Variants in CD101 observed in about 807,000 individuals in gnomAD.
The protein encoded by CD101 is immunoglobulin superfamily member 2.
In CD101, 76 loss-of-function variants were observed where a neutral mutation model predicts 98.2. The observed-to-expected ratio is 0.77, with a 90% CI of 0.64 to 0.94. CD101 has a LOEUF of 0.94. Ranked by LOEUF, CD101 falls within the 40% of genes least tolerant of loss-of-function variation. CD101 has a pLI of 0.00. For missense variants in CD101, 1,145 were observed against 1,218.8 expected, an observed-to-expected ratio of 0.94 and a Z score of 0.90; for synonymous variants, 471 against 472.7, an observed-to-expected ratio of 1.00 and a Z score of 0.05.
intron 8 of CD101, among the ~76,000 whole-genome samples, chr1:117,029,187 GAAAGAAAGAAAGA>G (rs1654186764): frequency 5.4e-5 from 5 of 92,844 alleles, no homozygotes; most frequent in East Asian, 2.8e-4. Flanking sequence ...AAGAAAGAAA[GAAAGAAAGAAAGA>G]AAGAAAAGAA....
In CD101 at chr1:117,017,296, A is replaced by C. The variant is rs1157734093; in HGVS notation, c.1435A>C (p.Ser479Arg). 6.2e-7 allele frequency: 1 copy of C among 1,614,242 alleles called. No individual in the cohort carries two copies. Among genetic ancestry groups the C allele is most frequent in the East Asian group, 2.2e-5 (1 of 44,892 alleles). The change falls in exon 5 of 10, where the codon AGT becomes CGT. Residue 479 changes from serine to arginine, a missense_variant. Transcript: ENST00000682167. ...GCTGGGTGCCTCCTATGGGGTACCC[A>C]GTTACCATGGCAACACAAGGCTGGA... ...VQLGASYGVPSYHGNTRLEKM... is the reference protein window; with the variant it reads ...VQLGASYGVPRYHGNTRLEKM...
In CD101 at chr1:117,021,721, C is replaced by G. The variant is rs377099186; in HGVS notation, c.2166C>G (p.Ala722=). The G allele has an allele frequency of 6.2e-7, 1 of 1,614,156 alleles. No homozygotes were observed. The highest frequency in any genetic ancestry group is 1.1e-5 in the South Asian group (1 of 91,064). ...IWYFSPVSTN[A]SWLKILEMDQ... is the part of the protein sequence containing the mutation. ...ATTTTTCTCCTGTTTCCACTAATGCCTCTTGGCTAAAGATCCTGGAGATGG... is the reference window on the plus strand; with the variant it reads ...ATTTTTCTCCTGTTTCCACTAATGCGTCTTGGCTAAAGATCCTGGAGATGG... The change falls in exon 7 of 10, where the codon GCC becomes GCG. Residue 722 remains alanine (A), a synonymous_variant. Transcript: ENST00000682167. This position sits in a 1 kb window ranked among gnomAD's most constrained non-coding sequence, Gnocchi z 4.7.
At chr1:117,027,708 T>C (rs1159849103) in intron 8 of CD101, among the ~76,000 whole-genome samples, 1 of 152,214 alleles carries the variant, frequency 6.6e-6, no homozygotes, top group African/African-American at 2.4e-5. Flanking sequence ...AACTTTATCA[T>C]GACAGTGATG....
Position 117,004,042 on chromosome 1 carries a change from A to G in CD101, c.43+2182A>G, listed in dbSNP as rs1652394834. ...ATAGAAAATGGTGCCATATGAGATT[A>G]ATGTCATGGGTAAATGAGTTCTCGG... is the stretch of plus-strand genomic sequence containing the variant. On this transcript the variant is annotated intron_variant, in intron 1 of 9. Coordinates refer to ENST00000682167, the MANE Select transcript of CD101 (RefSeq NM_001256106.3). The surrounding 1 kb of genome is among the most constrained non-coding windows in gnomAD (Gnocchi z 4.1). 6.6e-6 allele frequency among the ~76,000 whole-genome samples: 1 copy of G among 152,196 alleles called. No homozygotes were observed. Among genetic ancestry groups the G allele is most frequent in the Non-Finnish European group, 1.5e-5 (1 of 68,038 alleles).
Position 117,011,902 on chromosome 1 carries a change from T to C in CD101, c.777T>C (p.Asp259=), listed in dbSNP as rs768852480. 1 of 1,614,154 alleles carries C rather than the reference T, an allele frequency of 6.2e-7. No individual in the cohort carries two copies. Among genetic ancestry groups the C allele is most frequent in the South Asian group, 1.1e-5 (1 of 91,082 alleles). The change falls in exon 3 of 10, where the codon GAT becomes GAC. Residue 259 remains aspartate (D), a synonymous_variant. Transcript: ENST00000682167. ...CAACGGAATGGATTCAGGATCCAGA[T>C]GAAACTTGGATGTTCATCACCAAAA... ...CEATEWIQDP[D]ETWMFITKKQ...
rs1414289845 is a variant in CD101, at chr1:117,021,054, T to C, written c.2018-519T>C. Among the ~76,000 whole-genome samples, 2 of 152,212 alleles carry C rather than the reference T, an allele frequency of 1.3e-5. No individual in the cohort carries two copies. The highest frequency in any genetic ancestry group is 2.9e-5 in the Non-Finnish European group (2 of 68,030). ...TTTAATCACTCATGTACAACTTCCT[T>C]TTGTTTACCCACGTTTGAAGGCAGA... is the stretch of plus-strand genomic sequence containing the variant. On this transcript the variant is annotated intron_variant, in intron 6 of 9. Transcript: ENST00000682167. The surrounding 1 kb of genome is among the most constrained non-coding windows in gnomAD (Gnocchi z 4.7).
chr1:117,018,056 G>T lies in CD101; in HGVS notation c.1613-100G>T. 4 of 1,009,486 alleles carry T rather than the reference G, an allele frequency of 4.0e-6. No individual in the cohort carries two copies. Among genetic ancestry groups the T allele is most frequent in the Non-Finnish European group, 5.7e-6 (4 of 703,494 alleles). The allele number at this position is 1,009,486 out of a possible 1,614,324, so 62.5% of individuals were successfully genotyped here. A position where few individuals can be genotyped will look rare whatever the true frequency, so the allele number is the denominator to read the frequency against. On this transcript the variant is annotated intron_variant, in intron 5 of 9. Transcript: ENST00000682167. The surrounding 1 kb of genome is among the most constrained non-coding windows in gnomAD (Gnocchi z 4.3). ...AATAGGAAACTCCAAATGTACAAAT[G>T]CATGGTCCTAGTCAAAGAGGTGGCA...
intron 8 of CD101, among the ~76,000 whole-genome samples, chr1:117,029,190 A>AGAAG (rs1557778746): frequency 7.0e-5 from 6 of 85,472 alleles, no homozygotes; most frequent in East Asian, 5.9e-4. Context: ...AAAGAAAGAA[A>AGAAG]GAAAGAAAGA....
At position 117,011,842 on chromosome 1, in the gene CD101, C is replaced by T. The variant is rs767422027; in HGVS notation, c.717C>T (p.Leu239=). ...CATTCAGGCTGTCCATAGAGAGGCT[C>T]CAGTCCTCAGATCAGGGTCAGCTGT... ...PTTFRLSIER[L]QSSDQGQLFC... The change falls in exon 3 of 10, where the codon CTC becomes CTT. Residue 239 remains leucine (L), a synonymous_variant. Coordinates refer to ENST00000682167, the MANE Select transcript of CD101 (RefSeq NM_001256106.3). 15 of 1,614,010 alleles carry T rather than the reference C, an allele frequency of 9.3e-6. No homozygotes were observed. Among genetic ancestry groups the T allele is most frequent in the Non-Finnish European group, 1.1e-5 (13 of 1,180,028 alleles).
chr1:117,009,110 C>G (rs897297780), intron 1 of CD101, among the ~76,000 whole-genome samples: 2 of 152,120 alleles, frequency 1.3e-5, no homozygotes, highest in Non-Finnish European at 2.9e-5. Context: ...CAGATTTGTT[C>G]TAATAGAAAA....
chr1:117,020,306 G>A (rs1254823952), intron 6 of CD101, among the ~76,000 whole-genome samples: 1 of 152,128 alleles, frequency 6.6e-6, no homozygotes, highest in African/African-American at 2.4e-5. Flanking sequence ...CACTTTGGGA[G>A]GCCAAGGCGG....
chr1:117,003,808 T>C (rs909168205), intron 1 of CD101, among the ~76,000 whole-genome samples: 1 of 152,228 alleles, frequency 6.6e-6, no homozygotes, highest in Non-Finnish European at 1.5e-5. Context: ...AGCACTAATT[T>C]TGTGTAGAAG....
At chr1:117,034,675 G>T (rs989770942) in intron 9 of CD101, among the ~76,000 whole-genome samples, 1 of 152,220 alleles carries the variant, frequency 6.6e-6, no homozygotes, top group South Asian at 2.1e-4. Flanking sequence ...AGCAAGTTCT[G>T]TGTAAAGGTG....
rs747411343 is a variant in CD101, at chr1:117,011,756, C to A, written c.631C>A (p.Pro211Thr). 6.2e-7 allele frequency: 1 copy of A among 1,614,106 alleles called. No homozygotes were observed. Among genetic ancestry groups the A allele is most frequent in the Non-Finnish European group, 8.5e-7 (1 of 1,179,990 alleles). ...CAAAGATTTTATATTGGTCCCTGGG[C>A]CCTTGTATACAGAGCGGTTTGCAGC... Reference protein sequence around the residue: ...LSKDFILVPGPLYTERFAASD... With the variant: ...LSKDFILVPGTLYTERFAASD... The change falls in exon 3 of 10, where the codon CCC becomes ACC. Residue 211 changes from proline (P) to threonine (T), a missense_variant. Physicochemically the swap from Pro to Thr is conservative, Grantham distance 38. Coordinates refer to ENST00000682167, the MANE Select transcript of CD101 (RefSeq NM_001256106.3).
At position 117,019,052 on chromosome 1, in the gene CD101, C is replaced by A. The variant is rs1350398387; in HGVS notation, c.2017+492C>A. 2.6e-5 allele frequency among the ~76,000 whole-genome samples: 4 copies of A among 152,160 alleles called. No individual in the cohort carries two copies. The highest frequency in any genetic ancestry group is 5.9e-5 in the Non-Finnish European group (4 of 68,036). ...GAGTCAGAGAATTTATTATTACAAT[C>A]AAATATAATCCATCTCATCAACTGA... On this transcript the variant is annotated intron_variant, in intron 6 of 9. Transcript: ENST00000682167. The surrounding 1 kb of genome is among the most constrained non-coding windows in gnomAD (Gnocchi z 4.3).
rs1644160502 is a variant in CD101 at position 117,023,298 on chromosome 1, A to G, written c.2428+1315A>G. On this transcript the variant is annotated intron_variant, in intron 7 of 9. Transcript: ENST00000682167. This position sits in a 1 kb window ranked among gnomAD's most constrained non-coding sequence, Gnocchi z 4.4. ...CAGGAGGCAGCCACTGCTTAGCTCAAGTGCTTCCCATGTAGAAATGTGGGC... is the reference window on the plus strand; with the variant it reads ...CAGGAGGCAGCCACTGCTTAGCTCAGGTGCTTCCCATGTAGAAATGTGGGC... Among the ~76,000 whole-genome samples the G allele has an allele frequency of 6.6e-6, 1 of 152,258 alleles. No homozygotes were observed. The highest frequency in any genetic ancestry group is 2.1e-4 in the South Asian group (1 of 4,832).
chr1:117,018,090 A>C lies in CD101; in HGVS notation c.1613-66A>C. 7.1e-7 allele frequency: 1 copy of C among 1,412,528 alleles called. No individual in the cohort carries two copies. Among genetic ancestry groups the C allele is most frequent in the Non-Finnish European group, 9.5e-7 (1 of 1,056,008 alleles). The allele number at this position is 1,412,528 out of a possible 1,614,324, so 87.5% of individuals were successfully genotyped here. A position where few individuals can be genotyped will look rare whatever the true frequency, so the allele number is the denominator to read the frequency against. On this transcript the variant is annotated intron_variant, in intron 5 of 9. Transcript: ENST00000682167. The surrounding 1 kb of genome is among the most constrained non-coding windows in gnomAD (Gnocchi z 4.3). Reference sequence around the variant, plus strand: ...TAGTCAAAGAGGTGGCAACTAGAAAAACTTGAAAGTGCTATATTTTAATCT... The same window carrying C: ...TAGTCAAAGAGGTGGCAACTAGAAACACTTGAAAGTGCTATATTTTAATCT...
rs2101121621 is a variant in CD101, at chr1:117,012,488, T to C, written c.841+522T>C. On this transcript the variant is annotated intron_variant, in intron 3 of 9. Transcript: ENST00000682167. The surrounding 1 kb of genome is among the most constrained non-coding windows in gnomAD (Gnocchi z 4.0). ...TAGCTCCAGTTTCCAACATGAAGCC[T>C]TGTCTTCGTCAGTGCTGGGGTTTCC... Among the ~76,000 whole-genome samples, 3 of 152,356 alleles carry C rather than the reference T, an allele frequency of 2.0e-5. 1 individual carries two copies. In the South Asian group the frequency reaches 6.2e-4, roughly 32 times the overall value.
chr1:117,002,621 A>G (rs1652297892), intron 1 of CD101, among the ~76,000 whole-genome samples: 1 of 152,228 alleles, frequency 6.6e-6, no homozygotes, highest in South Asian at 2.1e-4. Flanking sequence ...TAATGTTTAA[A>G]ATGCATAAAA....
Sources: allele counts gnomAD v4.1 joint callset (sites outside exome capture counted in the v4.1 genomes callset), GRCh38; gene constraint gnomAD v4.1.1; non-coding constraint Gnocchi (gnomAD v3.1); transcripts MANE v1.5; gene names NCBI Gene and HGNC (gene_info 2026-07-23, HGNC 2026-07-21).